The following CROCC variants were observed in gnomAD, a reference collection of about 807,000 sequenced individuals.
CROCC encodes the protein ciliary rootlet coiled-coil, rootletin, also known as rootletin.
Under a neutral mutation model 245.2 loss-of-function variants are expected in CROCC, and 180 were observed. That is an observed-to-expected ratio of 0.73 (90% confidence interval 0.65 to 0.83). The LOEUF (loss-of-function observed/expected upper bound fraction) is 0.83. CROCC is among the 40% of genes least tolerant of loss of function. The pLI is 0.00. For missense variants in CROCC, 2,688 were observed against 2,779.4 expected (o/e 0.97, Z 0.74); for synonymous variants, 1,205 against 1,241.6 (o/e 0.97, Z 0.62).
At chr1:16,942,903 T>C (rs1485123880) in intron 13 of CROCC, among the ~76,000 whole-genome samples, 2 of 152,196 alleles carry the variant, frequency 1.3e-5, no homozygotes, top group African/African-American at 2.4e-5. Flanking sequence ...GTCAGGAGTT[T>C]GAGACCAGCC....
intron 20 of CROCC, among the ~76,000 whole-genome samples, chr1:16,952,734 C>T (rs1336185771): frequency 2.0e-5 from 3 of 152,226 alleles, no homozygotes; most frequent in Non-Finnish European, 4.4e-5. Context: ...GCTCCTCTGG[C>T]AACCCCTGAC....
upstream of CROCC, among the ~76,000 whole-genome samples, chr1:16,918,594 G>C (rs1258719845): frequency 6.6e-6 from 1 of 152,248 alleles, no homozygotes; most frequent in African/African-American, 2.4e-5. Flanking sequence ...TGCTGGTCCA[G>C]GGGTATTTTT....
intron 26 of CROCC, among the ~76,000 whole-genome samples, chr1:16,959,845 A>G (rs1020443861): frequency 6.6e-6 from 1 of 152,142 alleles, no homozygotes; most frequent in African/African-American, 2.4e-5. Flanking sequence ...TCTCAAGTGC[A>G]GCCCACAGCC....
intron 31 of CROCC, among the ~76,000 whole-genome samples, chr1:16,968,811 G>T (rs1443864460): frequency 6.6e-6 from 1 of 152,218 alleles, no homozygotes; most frequent in Non-Finnish European, 1.5e-5. Context: ...GGGTCGTGGT[G>T]GTTTCCCTTT....
intron 3 of CROCC, among the ~76,000 whole-genome samples, chr1:16,926,817 T>C (rs1043637533): frequency 3.9e-5 from 6 of 152,282 alleles, no homozygotes; most frequent in Admixed American, 1.3e-4. Context: ...AATGGCGGTC[T>C]GAGGGCAGCA....
intron 35 of CROCC, chr1:16,971,049 A>C: frequency 2.2e-6 from 1 of 447,884 alleles, no homozygotes; most frequent in Non-Finnish European, 3.9e-6. Context: ...TGGAGCATGA[A>C]TCTTGTGCAT....
chr1:16,929,177 C>T (rs1256252920), intron 3 of CROCC, among the ~76,000 whole-genome samples: 3 of 152,286 alleles, frequency 2.0e-5, no homozygotes, highest in East Asian at 1.9e-4. Flanking sequence ...CCTGTGTGCA[C>T]CTCTTACAAA....
chr1:16,956,753 C>G (rs1006879877), intron 25 of CROCC, among the ~76,000 whole-genome samples: 6 of 151,942 alleles, frequency 3.9e-5, no homozygotes, highest in Non-Finnish European at 8.8e-5. Context: ...ATCCTTAACT[C>G]AGACCCTTGT....
chr1:16,914,371 G>C (rs1486941791), intron 1 of CROCC, among the ~76,000 whole-genome samples: 1 of 152,240 alleles, frequency 6.6e-6, no homozygotes, highest in Non-Finnish European at 1.5e-5. Context: ...CCGGGGGCAC[G>C]ACAGGAGACT....
chr1:16,946,212 T>C (rs771769340), intron 15 of CROCC, 47 bp from the exon 16 acceptor site: 47 of 1,593,500 alleles, frequency 2.9e-5, no homozygotes, highest in Admixed American at 1.7e-5. Context: ...CCTCACCTCC[T>C]CCCGACCTTT....
chr1:16,971,742 C>G, intron 36 of CROCC, 95 bp downstream of exon 36: 5 of 1,227,342 alleles, frequency 4.1e-6, no homozygotes, highest in Non-Finnish European at 5.4e-6. Context: ...TATAGGCAGT[C>G]GATGGCTCCC....
upstream of CROCC, among the ~76,000 whole-genome samples, chr1:16,917,461 C>T (rs1269373807): frequency 3.2e-4 from 48 of 152,020 alleles, no homozygotes; most frequent in African/African-American, 1.1e-3. Flanking sequence ...TAGTTCCTGC[C>T]GCTAGCCCTG....
In CROCC at chr1:16,966,590, C is replaced by T. The variant is rs1255612556; in HGVS notation, c.4860+19C>T. The T allele has an allele frequency of 1.4e-6, 2 of 1,457,558 alleles. No individual in the cohort carries two copies. The highest frequency in any genetic ancestry group is 1.8e-6 in the Non-Finnish European group (2 of 1,107,426). 90.3% of individuals were successfully genotyped at this position (1,457,558 alleles called of 1,614,324 possible). Reference sequence around the variant, plus strand: ...CAGCCAGGTGGGCAGGAGCTGAGGGCCAGCGGGGCGACGGGGAATCTGTGT... The same window carrying T: ...CAGCCAGGTGGGCAGGAGCTGAGGGTCAGCGGGGCGACGGGGAATCTGTGT... On this transcript the variant is annotated intron_variant, in intron 30 of 36. Coordinates refer to ENST00000375541, the MANE Select transcript of CROCC (RefSeq NM_014675.5). The surrounding 1 kb of genome is among the most constrained non-coding windows in gnomAD (Gnocchi z 4.8).
chr1:16,971,635 G>T lies in CROCC; in HGVS notation c.5955G>T (p.Gly1985=), dbSNP rs2076523720. ...RERAHRQRVR[G]LEEQVSTLKG... ...GGGCCCACCGCCAGAGGGTGCGTGG[G>T]CTGGAGGAGCAGGTGTGCAGGCCCC... The change falls in exon 36 of 37, where the codon GGG becomes GGT. Residue 1985 remains glycine, a synonymous_variant. Transcript: ENST00000375541. 1 of 1,498,772 alleles carries T rather than the reference G, an allele frequency of 6.7e-7. No individual in the cohort carries two copies. The highest frequency in any genetic ancestry group is 8.9e-7 in the Non-Finnish European group (1 of 1,122,936). 92.8% of individuals were successfully genotyped at this position (1,498,772 alleles called of 1,614,324 possible). A position where few individuals can be genotyped will look rare whatever the true frequency, so the allele number is the denominator to read the frequency against.
In CROCC at chr1:16,922,698, C is replaced by A; in HGVS notation, c.96C>A (p.Gly32=). 6.2e-7 allele frequency: 1 copy of A among 1,613,572 alleles called. No homozygotes were observed. The highest frequency in any genetic ancestry group is 1.7e-4 in the Middle Eastern group (1 of 6,060). The change falls in exon 2 of 37, where the codon GGC becomes GGA. Residue 32 remains glycine, a synonymous_variant. Coordinates refer to ENST00000375541, the MANE Select transcript of CROCC (RefSeq NM_014675.5). ...LESSVLCQEK[G]LGARDLAQDA... ...GCAGCGTCCTGTGCCAGGAGAAAGG[C>A]TTGGGCGCGCGGGACCTGGCCCAGG... is the stretch of plus-strand genomic sequence containing the variant.
At chr1:16,969,972 G>T (rs758264091) in intron 33 of CROCC, 38 bp downstream of exon 33, 2 of 1,541,512 alleles carry the variant, frequency 1.3e-6, no homozygotes, top group Admixed American at 4.0e-5. Context: ...CCCCAAGACT[G>T]TGAGGCCCTA....
rs955360104 is a variant in CROCC, at chr1:16,945,822, C to T, written c.2136+216C>T. On this transcript the variant is annotated intron_variant, in intron 15 of 36. Coordinates refer to ENST00000375541, the MANE Select transcript of CROCC (RefSeq NM_014675.5). ...AAGTGGACTGACCTCTCTTTATGGC[C>T]GTATCCCTGCTCTTCTGGATGCTCC... Among the ~76,000 whole-genome samples the T allele has an allele frequency of 6.6e-5, 10 of 152,410 alleles. No homozygotes were observed. The South Asian group carries it at 8.3e-4, about 13-fold the overall frequency.
At position 16,939,994 on chromosome 1, in the gene CROCC, T is replaced by C; in HGVS notation, c.1709T>C (p.Leu570Pro). 6.2e-7 allele frequency: 1 copy of C among 1,612,182 alleles called. No individual in the cohort carries two copies. Among genetic ancestry groups the C allele is most frequent in the Non-Finnish European group, 8.5e-7 (1 of 1,179,702 alleles). The change falls in exon 13 of 37, where the codon CTG becomes CCG. Residue 570 changes from leucine (L) to proline (P), a missense_variant. Around this residue, in one of 9 missense-constraint regions of CROCC, gnomAD observed 972 missense variants for 895.3 expected, o/e 1.09. Coordinates refer to ENST00000375541, the MANE Select transcript of CROCC (RefSeq NM_014675.5). ...GAGCGGCGGGCCCTAGAGGAACAGC[T>C]GCAGCGCCTGCGGGACAAGACCGAC... ...ESERRALEEQ[L>P]QRLRDKTDGA...
chr1:16,947,184 A>C lies in CROCC; in HGVS notation c.2514+193A>C, dbSNP rs1191150390. ...CCCATACCTCAGTTGCCCCATCTAT[A>C]ACATGGGGCCAGCCAGGCGCAGTGG... On this transcript the variant is annotated intron_variant, in intron 17 of 36. Coordinates refer to ENST00000375541, the MANE Select transcript of CROCC (RefSeq NM_014675.5). 2.6e-5 allele frequency among the ~76,000 whole-genome samples: 4 copies of C among 152,396 alleles called. No homozygotes were observed. In the East Asian group the frequency reaches 7.7e-4, roughly 29 times the overall value.
Sources: gnomAD v4.1 joint callset for allele counts (sites outside exome capture counted in the v4.1 genomes callset) on GRCh38, gnomAD v4.1.1 for gene constraint, gnomAD v4.1.1 regional missense constraint, Gnocchi (gnomAD v3.1) non-coding constraint, MANE v1.5 for transcripts, NCBI Gene and HGNC (gene_info 2026-07-23, HGNC 2026-07-21) for gene names.